ARFGEF2: variants seen among roughly 807,000 people sequenced by gnomAD.
ARFGEF2 encodes brefeldin A-inhibited guanine nucleotide-exchange protein 2.
Under a neutral mutation model 219.9 loss-of-function variants are expected in ARFGEF2, and 74 were observed. The ratio of observed to expected loss-of-function variants is 0.34; its 90% confidence interval spans 0.28 to 0.41. The LOEUF (loss-of-function observed/expected upper bound fraction) is 0.41, where lower values mean the gene tolerates loss of function less well. ARFGEF2 is among the 10% of genes least tolerant of loss of function. The pLI, the probability that ARFGEF2 is intolerant of heterozygous loss-of-function variation, is 1.00. For synonymous variants in ARFGEF2, 733 were observed against 799.2 expected (o/e 0.92, Z 1.40); for missense variants, 1,743 against 2,218.3 (o/e 0.79, Z 4.30).
chr20:48,946,990 G>T (rs1013353339), intron 3 of ARFGEF2, among the ~76,000 whole-genome samples: 2 of 151,944 alleles, frequency 1.3e-5, no homozygotes, highest in African/African-American at 2.4e-5. Context: ...ACTTTTTGTA[G>T]AGACCGGGGT....
At chr20:48,944,809 G>C (rs777236786) in intron 3 of ARFGEF2, among the ~76,000 whole-genome samples, 4 of 152,004 alleles carry the variant, frequency 2.6e-5, no homozygotes, top group Non-Finnish European at 4.4e-5. Flanking sequence ...TCTTAACCAG[G>C]GGTCATCAGC....
At chr20:49,001,298 C>T (rs139875770) in intron 25 of ARFGEF2, among the ~76,000 whole-genome samples, 1 of 152,034 alleles carries the variant, frequency 6.6e-6, no homozygotes, top group African/African-American at 2.4e-5. Context: ...CCTCAGCCTC[C>T]GAAAGTGTTG....
intron 14 of ARFGEF2, among the ~76,000 whole-genome samples, chr20:48,980,204 A>C (rs2091286569): frequency 6.6e-6 from 1 of 152,174 alleles, no homozygotes. Context: ...TTGGTTCCAA[A>C]TAACATCTTT....
chr20:48,998,410 T>C lies in ARFGEF2; in HGVS notation c.3337T>C (p.Leu1113=), dbSNP rs778542929. ...CCCCCACCATCCTCGCATGTTCAGCTTGCAGAAGATTGTGGAGATATCATA... is the reference window on the plus strand; with the variant it reads ...CCCCCACCATCCTCGCATGTTCAGCCTGCAGAAGATTGTGGAGATATCATA... ...ASPHHPRMFS[L]QKIVEISYYN... The change falls in exon 25 of 39, where the codon TTG becomes CTG. Residue 1113 remains leucine (L), a synonymous_variant. Transcript: ENST00000371917. The C allele has an allele frequency of 3.1e-6, 5 of 1,614,140 alleles. No individual in the cohort carries two copies. Among genetic ancestry groups the C allele is most frequent in the Admixed American group, 3.3e-5 (2 of 60,002 alleles).
intron 36 of ARFGEF2, among the ~76,000 whole-genome samples, chr20:49,027,755 TGTA>T (rs68087998): frequency 0.36 from 54,600 of 151,640 alleles, 10,591 homozygotes; most frequent in African/African-American, 0.53. Flanking sequence ...GAAGTTATCT[TGTA>T]ATACAGAGGA....
At chr20:49,032,257 G>A in intron 38 of ARFGEF2, 91 bp downstream of exon 38, 1 of 903,880 alleles carries the variant, frequency 1.1e-6, no homozygotes, top group Non-Finnish European at 1.8e-6. Flanking sequence ...TATTTTCTCA[G>A]TTCTCCCAAG....
At chr20:49,020,058 AC>A (rs1330889068) in intron 34 of ARFGEF2, among the ~76,000 whole-genome samples, 2 of 151,984 alleles carry the variant, frequency 1.3e-5, no homozygotes, top group Non-Finnish European at 2.9e-5. Flanking sequence ...GTACTGTCTT[AC>A]GTTTGAGGGA....
chr20:49,017,484 T>A lies in ARFGEF2; in HGVS notation c.4455-12T>A, dbSNP rs991339234. On this transcript the variant is annotated splice_polypyrimidine_tract_variant and intron_variant, in intron 32 of 38. Coordinates refer to ENST00000371917, the MANE Select transcript of ARFGEF2 (RefSeq NM_006420.3). ...CACATTGATTATTTTTTTTCTCTATTTTTTTCTTCAGTTTGCTGACATGGA... is the reference window on the plus strand; with the variant it reads ...CACATTGATTATTTTTTTTCTCTATATTTTTCTTCAGTTTGCTGACATGGA... 4 of 1,613,624 alleles carry A rather than the reference T, an allele frequency of 2.5e-6. No individual in the cohort carries two copies. In the African/African-American group the frequency reaches 5.3e-5, roughly 22 times the overall value.
chr20:48,950,817 T>A (rs1198336605), intron 3 of ARFGEF2, among the ~76,000 whole-genome samples: 864 of 67,662 alleles, frequency 0.013, 5 homozygotes, highest in Middle Eastern at 0.033. Flanking sequence ...AAAAAATATA[T>A]ATATATATAT....
intron 3 of ARFGEF2, among the ~76,000 whole-genome samples, chr20:48,945,496 G>A (rs779560231): frequency 3.9e-5 from 6 of 152,108 alleles, no homozygotes; most frequent in Admixed American, 1.3e-4. Context: ...GATTTCAAAC[G>A]GAAACACACC....
At chr20:48,953,811 G>C (rs1440580974) in intron 6 of ARFGEF2, 21 bp downstream of exon 6, 1 of 1,607,346 alleles carries the variant, frequency 6.2e-7, no homozygotes, top group Admixed American at 1.7e-5. Flanking sequence ...ATACGGTATG[G>C]CTCTTTTTCC....
chr20:48,969,407 GT>G, intron 9 of ARFGEF2, 130 bp downstream of exon 9: 1 of 1,552,118 alleles, frequency 6.4e-7, no homozygotes, highest in Non-Finnish European at 8.8e-7. Flanking sequence ...TGCAGGAACG[GT>G]TTTACAACTT....
intron 14 of ARFGEF2, among the ~76,000 whole-genome samples, chr20:48,982,420 CT>C (rs2091301816): frequency 6.6e-6 from 1 of 152,168 alleles, no homozygotes; most frequent in Non-Finnish European, 1.5e-5. Context: ...TCAGTCGGCC[CT>C]TTCTGGGAGG....
intron 26 of ARFGEF2, among the ~76,000 whole-genome samples, chr20:49,006,739 G>A (rs937253968): frequency 2.0e-5 from 3 of 152,202 alleles, no homozygotes; most frequent in Admixed American, 6.5e-5. Flanking sequence ...GGCCAGTGTG[G>A]CTTGAATGGA....
intron 1 of ARFGEF2, among the ~76,000 whole-genome samples, chr20:48,938,489 A>G (rs2090973966): frequency 6.6e-6 from 1 of 152,196 alleles, no homozygotes; most frequent in African/African-American, 2.4e-5. Context: ...TGCATTGATA[A>G]TTGGATGCTT....
At chr20:49,028,992 C>T (rs904704791) in intron 37 of ARFGEF2, among the ~76,000 whole-genome samples, 15 of 152,196 alleles carry the variant, frequency 9.9e-5, no homozygotes, top group African/African-American at 3.1e-4. Flanking sequence ...AGCCCTGTGG[C>T]CTTAGGCAGG....
intron 36 of ARFGEF2, among the ~76,000 whole-genome samples, chr20:49,026,321 C>A (rs1223797201): frequency 6.6e-6 from 1 of 151,496 alleles, no homozygotes; most frequent in Non-Finnish European, 1.5e-5. Flanking sequence ...CAGGGGGAGA[C>A]CTTGTCTCAA....
At chr20:48,936,629 G>A (rs1352532006) in intron 1 of ARFGEF2, among the ~76,000 whole-genome samples, 4 of 152,124 alleles carry the variant, frequency 2.6e-5, no homozygotes, top group African/African-American at 9.7e-5. Context: ...GGTTCAAGCA[G>A]TTCTCCTGCC....
At chr20:49,017,608 C>T (rs1399301447) in intron 33 of ARFGEF2, 58 bp downstream of exon 33, 3 of 1,567,552 alleles carry the variant, frequency 1.9e-6, no homozygotes, top group South Asian at 1.1e-5. Flanking sequence ...AGTAAAAGAT[C>T]AATAAGCCTG....
Sources: gnomAD v4.1 joint callset for allele counts (sites outside exome capture counted in the v4.1 genomes callset) on GRCh38, gnomAD v4.1.1 for gene constraint, MANE v1.5 for transcripts, NCBI Gene and HGNC (gene_info 2026-07-23, HGNC 2026-07-21) for gene names.